The following CFAP77 variants were observed in gnomAD, a reference collection of about 807,000 sequenced individuals.
CFAP77 encodes cilia and flagella associated protein 77.
In CFAP77, 25 loss-of-function variants were observed where a neutral mutation model predicts 31.1. The ratio of observed to expected loss-of-function variants is 0.80; its 90% CI spans 0.59 to 1.12. The LOEUF (loss-of-function observed/expected upper bound fraction) is 1.12, where lower values mean the gene tolerates loss of function less well. CFAP77 is among the 50% of genes most tolerant of loss of function. The pLI is 0.00. For synonymous variants in CFAP77, 151 were observed against 159.9 expected (o/e 0.94, Z 0.42); for missense variants, 377 against 397.3 (o/e 0.95, Z 0.44).
intron 1 of CFAP77, among the ~76,000 whole-genome samples, chr9:132,415,476 TG>T (rs141855483): frequency 0.04 from 6,097 of 152,284 alleles, 164 homozygotes; most frequent in South Asian, 0.096. Context: ...CTGTCCTCTT[TG>T]TCCCTCTGAA....
chr9:132,537,994 A>ACTC (rs1477467811), intron 4 of CFAP77, among the ~76,000 whole-genome samples: 2 of 151,814 alleles, frequency 1.3e-5, no homozygotes, highest in Admixed American at 1.3e-4. Context: ...AGCTGTCCTG[A>ACTC]CTCCTACCTC....
At chr9:132,513,301 T>C in intron 3 of CFAP77, 1 of 1,549,638 alleles carries the variant, frequency 6.5e-7, no homozygotes, top group Non-Finnish European at 8.7e-7. Context: ...GCAACATAAC[T>C]AACTCCCGTG....
In CFAP77 at chr9:132,497,133, A is replaced by G. The variant is rs1322111143; in HGVS notation, c.196-1562A>G. Among the ~76,000 whole-genome samples, 4 of 149,138 alleles carry G rather than the reference A, an allele frequency of 2.7e-5. No homozygotes were observed. In the East Asian group the frequency reaches 5.9e-4, roughly 22 times the overall value. ...CAGATGAGGGGGAGTGGGTTTGTCT[A>G]TCTCAACAGGGGGTGCTGTGGGGGA... is the stretch of plus-strand genomic sequence containing the variant. On this transcript the variant is annotated intron_variant, in intron 1 of 5. Transcript: ENST00000393216. This position sits in a 1 kb window ranked among gnomAD's most constrained non-coding sequence, Gnocchi z 4.9.
intron 1 of CFAP77, among the ~76,000 whole-genome samples, chr9:132,484,967 A>C (rs1256120525): frequency 6.7e-6 from 1 of 150,290 alleles, no homozygotes; most frequent in Non-Finnish European, 1.5e-5. Flanking sequence ...TCCCGCCTCA[A>C]CCTCCCCTGT....
intron 1 of CFAP77, among the ~76,000 whole-genome samples, chr9:132,440,818 A>G (rs760109754): frequency 6.6e-6 from 1 of 152,140 alleles, no homozygotes; most frequent in South Asian, 2.1e-4. Flanking sequence ...GTGGTAGACA[A>G]TGGATCTGAA....
chr9:132,463,308 T>TG (rs1443395828), intron 1 of CFAP77, among the ~76,000 whole-genome samples: 1 of 152,170 alleles, frequency 6.6e-6, no homozygotes, highest in Non-Finnish European at 1.5e-5. Flanking sequence ...AACATGTTCT[T>TG]GCGGTGTGGT....
intron 1 of CFAP77, among the ~76,000 whole-genome samples, chr9:132,417,984 G>T (rs781533923): frequency 6.6e-6 from 1 of 152,154 alleles, no homozygotes; most frequent in Non-Finnish European, 1.5e-5. Context: ...CCAATTTCTA[G>T]CACTCATGCC....
Position 132,497,942 on chromosome 9 carries a change from G to C in CFAP77, c.196-753G>C, listed in dbSNP as rs529553654. ...GAGCGCCAGTCAAGAGGACAGGCACGCCTCCATGCGATGCCCTGCCCAGCG... is the reference window on the plus strand; with the variant it reads ...GAGCGCCAGTCAAGAGGACAGGCACCCCTCCATGCGATGCCCTGCCCAGCG... On this transcript the variant is annotated intron_variant, in intron 1 of 5. Transcript: ENST00000393216. The surrounding 1 kb of genome is among the most constrained non-coding windows in gnomAD (Gnocchi z 4.9). 6.6e-6 allele frequency among the ~76,000 whole-genome samples: 1 copy of C among 152,126 alleles called. No homozygotes were observed. Among genetic ancestry groups the C allele is most frequent in the Non-Finnish European group, 1.5e-5 (1 of 68,010 alleles).
At chr9:132,529,730 A>G (rs1481643085) in intron 3 of CFAP77, among the ~76,000 whole-genome samples, 11 of 151,548 alleles carry the variant, frequency 7.3e-5, no homozygotes, top group Non-Finnish European at 1.6e-4. Flanking sequence ...GGAGGCTGAC[A>G]CAGGAGAGTT....
At chr9:132,548,684 G>A (rs1034435137) in intron 5 of CFAP77, among the ~76,000 whole-genome samples, 1 of 151,898 alleles carries the variant, frequency 6.6e-6, no homozygotes, top group Admixed American at 6.6e-5. Context: ...GCTGGCGGGG[G>A]GGTCTCCACA....
At chr9:132,557,180 G>A (rs1852918966) in intron 5 of CFAP77, among the ~76,000 whole-genome samples, 1 of 152,190 alleles carries the variant, frequency 6.6e-6, no homozygotes, top group Non-Finnish European at 1.5e-5. Context: ...GGGCTCCAAG[G>A]TGCAGACGGG....
Position 132,537,697 on chromosome 9 carries a change from G to A in CFAP77, c.621G>A (p.Lys207=). 4 of 1,613,090 alleles carry A rather than the reference G, an allele frequency of 2.5e-6. No homozygotes were observed. The highest frequency in any genetic ancestry group is 3.4e-6 in the Non-Finnish European group (4 of 1,179,364). Residue 207 remains lysine, a synonymous_variant, in exon 4 of 6, where the codon AAG becomes AAA. Transcript: ENST00000393216. ...CCCAGAAAGCCATCAAACTGGAGAA[G>A]AAGCAGAAGGTAAATGCAGCCCTCG... ...KATQKAIKLE[K]KQKVVLGKLY...
intron 3 of CFAP77, among the ~76,000 whole-genome samples, chr9:132,534,761 G>A (rs1010635279): frequency 2.0e-5 from 3 of 152,272 alleles, no homozygotes; most frequent in South Asian, 2.1e-4. Flanking sequence ...GCACAAGGAG[G>A]TTTTCCTTTT....
chr9:132,454,793 A>G (rs1483955638), intron 1 of CFAP77, among the ~76,000 whole-genome samples: 1 of 152,190 alleles, frequency 6.6e-6, no homozygotes, highest in East Asian at 1.9e-4. Context: ...GGGACAGGCC[A>G]GCCATCTAGT....
At chr9:132,452,136 G>A (rs539656699) in intron 1 of CFAP77, among the ~76,000 whole-genome samples, 31 of 152,210 alleles carry the variant, frequency 2.0e-4, no homozygotes, top group African/African-American at 7.0e-4. Flanking sequence ...TGGTCCCATC[G>A]CTCCCCCATT....
chr9:132,449,302 ACCC>A (rs1850781048), intron 1 of CFAP77, among the ~76,000 whole-genome samples: 2 of 150,294 alleles, frequency 1.3e-5, no homozygotes, highest in African/African-American at 4.9e-5. Context: ...GGCTGCACTC[ACCC>A]TCCTCTCCTA....
chr9:132,510,559 C>T (rs1166137079), intron 3 of CFAP77, among the ~76,000 whole-genome samples: 3 of 152,218 alleles, frequency 2.0e-5, no homozygotes, highest in South Asian at 2.1e-4. Flanking sequence ...CCACATCCCA[C>T]TGTGGCAAGG....
chr9:132,569,134 T>A (rs1485706844), intron 5 of CFAP77, among the ~76,000 whole-genome samples: 1 of 152,234 alleles, frequency 6.6e-6, no homozygotes, highest in Non-Finnish European at 1.5e-5. Context: ...CTGTTACAAA[T>A]ATCTTTCAGA....
At chr9:132,432,998 G>A (rs770309047) in intron 1 of CFAP77, among the ~76,000 whole-genome samples, 4 of 151,496 alleles carry the variant, frequency 2.6e-5, no homozygotes, top group Admixed American at 6.6e-5. Flanking sequence ...ACAGGCGTGA[G>A]CCACCAAGCC....
Sources: gnomAD v4.1 joint callset for allele counts (sites outside exome capture counted in the v4.1 genomes callset) on GRCh38, gnomAD v4.1.1 for gene constraint, Gnocchi (gnomAD v3.1) non-coding constraint, MANE v1.5 for transcripts, NCBI Gene and HGNC (gene_info 2026-07-23, HGNC 2026-07-21) for gene names.